Variants in TATDN2 observed in about 807,000 individuals in gnomAD.
TATDN2 encodes the protein TatD DNase domain containing 2.
In TATDN2, 44 loss-of-function variants were observed where a neutral mutation model predicts 60.3. The ratio of observed to expected loss-of-function variants is 0.73; its 90% CI spans 0.57 to 0.94. The LOEUF is 0.94. Among genes scored for constraint, TATDN2 ranks in the 40% least tolerant of loss-of-function variants. TATDN2 has a pLI of 0.00. For synonymous variants in TATDN2, 399 were observed against 355.8 expected (o/e 1.12, Z -1.37); for missense variants, 997 against 948.0 (o/e 1.05, Z -0.68).
intron 4 of TATDN2, among the ~76,000 whole-genome samples, chr3:10,274,652 G>T (rs1231074205): frequency 6.6e-6 from 1 of 152,140 alleles, no homozygotes; most frequent in Admixed American, 6.5e-5. Flanking sequence ...AATAGGAGGG[G>T]CTCCAGCCAC....
In TATDN2 at chr3:10,270,763, T is replaced by G. The variant is rs763466110; in HGVS notation, c.1581T>G (p.Pro527=). The change falls in exon 4 of 8, where the codon CCT becomes CCG. Residue 527 remains proline (P), a synonymous_variant. Coordinates refer to ENST00000448281, the MANE Select transcript of TATDN2 (RefSeq NM_014760.4). Reference sequence around the variant, plus strand: ...GAAAAATTTACAGCAGCTCCTTCCCTAAGGAATTTCAGGGCTGCATCTCTG... The same window carrying G: ...GAAAAATTTACAGCAGCTCCTTCCCGAAGGAATTTCAGGGCTGCATCTCTG... The part of the protein sequence containing the change: ...KFRKIYSSSF[P]KEFQGCISDF... The G allele has an allele frequency of 6.2e-7, 1 of 1,614,062 alleles. No individual in the cohort carries two copies. The highest frequency in any genetic ancestry group is 8.5e-7 in the Non-Finnish European group (1 of 1,180,030).
Position 10,262,350 on chromosome 3 carries a change from C to T in TATDN2, c.948+1680C>T, listed in dbSNP as rs796866695. On this transcript the variant is annotated intron_variant, in intron 3 of 7. Coordinates refer to ENST00000448281, the MANE Select transcript of TATDN2 (RefSeq NM_014760.4). Reference sequence around the variant, plus strand: ...TTTACTCTCACATTTTGGTGGAATACTTTTTCTAGTAGCTTCTTGAGAAAG... The same window carrying T: ...TTTACTCTCACATTTTGGTGGAATATTTTTTCTAGTAGCTTCTTGAGAAAG... Among the ~76,000 whole-genome samples the T allele has an allele frequency of 2.2e-4, 33 of 152,218 alleles. 1 individual carries two copies. The highest frequency in any genetic ancestry group is 6.7e-4 in the African/African-American group (28 of 41,526).
intron 3 of TATDN2, among the ~76,000 whole-genome samples, chr3:10,263,189 G>A (rs1448677458): frequency 6.6e-6 from 1 of 151,478 alleles, no homozygotes; most frequent in African/African-American, 2.4e-5. Flanking sequence ...GTGAGCCACC[G>A]TGCCCAACCT....
intron 5 of TATDN2, among the ~76,000 whole-genome samples, chr3:10,276,704 T>C (rs1698643541): frequency 6.6e-6 from 1 of 152,072 alleles, no homozygotes; most frequent in Non-Finnish European, 1.5e-5. Flanking sequence ...TTCTCCTGCC[T>C]CAGCCTCCTG....
In TATDN2 at chr3:10,278,924, G is replaced by A; in HGVS notation, c.2185G>A (p.Ala729Thr). ...SLCQYAHPGL[A>T]LHTVREIARV... ...TTGCCAGTATGCCCACCCGGGCCTG[G>A]CCTTGCATACGGTCCGAGAGATTGC... The change falls in exon 7 of 8, where the codon GCC (alanine) becomes ACC (threonine). Residue 729 changes from alanine (A) to threonine (T), a missense_variant. Coordinates refer to ENST00000448281, the MANE Select transcript of TATDN2 (RefSeq NM_014760.4). This position sits in a 1 kb window ranked among gnomAD's most constrained non-coding sequence, Gnocchi z 4.7. The A allele has an allele frequency of 1.2e-6, 2 of 1,613,272 alleles. No individual in the cohort carries two copies. The highest frequency in any genetic ancestry group is 8.5e-7 in the Non-Finnish European group (1 of 1,179,800).
At chr3:10,250,679 C>A (rs1377730948) in intron 2 of TATDN2, among the ~76,000 whole-genome samples, 1 of 152,136 alleles carries the variant, frequency 6.6e-6, no homozygotes, top group Non-Finnish European at 1.5e-5. Flanking sequence ...CAATGTGGAC[C>A]TCACTGTCTG....
Position 10,277,939 on chromosome 3 carries a change from C to T in TATDN2, c.1962-340C>T, listed in dbSNP as rs146368740. 9.4e-3 allele frequency among the ~76,000 whole-genome samples: 1,435 copies of T among 152,130 alleles called. 17 individuals are homozygous for T. Among genetic ancestry groups the T allele is most frequent in the Non-Finnish European group, 0.012 (820 of 68,004 alleles). On this transcript the variant is annotated intron_variant, in intron 5 of 7. Coordinates refer to ENST00000448281, the MANE Select transcript of TATDN2 (RefSeq NM_014760.4). ...CTTGGGCATAGTTTTTATATGCTGT[C>T]GTTGTCATCATAGGGGCCACAGTTG...
Position 10,260,268 on chromosome 3 carries a change from C to T in TATDN2, c.546C>T (p.Gly182=). Residue 182 remains glycine, a synonymous_variant, in exon 3 of 8, where the codon GGC becomes GGT. Coordinates refer to ENST00000448281, the MANE Select transcript of TATDN2 (RefSeq NM_014760.4). Reference sequence around the variant, plus strand: ...AGAGGGATAGACTTCGAGACCAGGGCTCCACAATGATCTACCTGAAGGCTA... The same window carrying T: ...AGAGGGATAGACTTCGAGACCAGGGTTCCACAATGATCTACCTGAAGGCTA... ...KRKRDRLRDQ[G]STMIYLKAIQ... 1 of 1,614,178 alleles carries T rather than the reference C, an allele frequency of 6.2e-7. No individual in the cohort carries two copies. The highest frequency in any genetic ancestry group is 8.5e-7 in the Non-Finnish European group (1 of 1,180,040).
rs1698176109 is a variant in TATDN2, at chr3:10,248,942, C to T, written c.-132C>T. The T allele has an allele frequency of 1.2e-5, 5 of 407,034 alleles. No homozygotes were observed. Among genetic ancestry groups the T allele is most frequent in the East Asian group, 3.7e-5 (1 of 27,368 alleles). The allele number at this position is 407,034 out of a possible 1,614,324, so 25.2% of individuals were successfully genotyped here. A position where few individuals can be genotyped will look rare whatever the true frequency, so the allele number is the denominator to read the frequency against. On this transcript the variant is annotated 5_prime_UTR_variant, in exon 1 of 8. Coordinates refer to ENST00000448281, the MANE Select transcript of TATDN2 (RefSeq NM_014760.4). The stretch of plus-strand genomic sequence containing the variant: ...AGTGAAGGCTTCCTGATCTCAGAAG[C>T]ACGTTGTGGGCTTGGAAACCGACGG...
At position 10,260,121 on chromosome 3, in the gene TATDN2, G is replaced by GA; in HGVS notation, c.415-16_415-15insA. 7.2e-7 allele frequency: 1 copy of GA among 1,387,252 alleles called. No homozygotes were observed. The highest frequency in any genetic ancestry group is 9.8e-7 in the Non-Finnish European group (1 of 1,018,796). The allele number at this position is 1,387,252 out of a possible 1,614,324, so 85.9% of individuals were successfully genotyped here. On this transcript the variant is annotated splice_polypyrimidine_tract_variant and intron_variant, in intron 2 of 7. Transcript: ENST00000448281. ...CCCTTGGAACAGCCCTTTCAATTCTGTTTTTTTTTTCCCAGGTTGATTCCA... is the reference window on the plus strand; with the variant it reads ...CCCTTGGAACAGCCCTTTCAATTCTGATTTTTTTTTTCCCAGGTTGATTCCA...
chr3:10,256,045 C>T (rs1698303583), intron 2 of TATDN2, among the ~76,000 whole-genome samples: 1 of 152,188 alleles, frequency 6.6e-6, no homozygotes, highest in African/African-American at 2.4e-5. Context: ...TTGTTTTTCT[C>T]CTTGGCAGTT....
chr3:10,272,253 C>T (rs551082500), intron 4 of TATDN2, among the ~76,000 whole-genome samples: 3 of 151,990 alleles, frequency 2.0e-5, no homozygotes, highest in Middle Eastern at 3.4e-3. Context: ...TGCAGGTGCA[C>T]ACCACCACGC....
At position 10,257,841 on chromosome 3, in the gene TATDN2, A is replaced by ATTTTTTTTTTTTTTTTTTTTT. The variant is rs553265148; in HGVS notation, c.415-2281_415-2261dup. 1.9e-3 allele frequency among the ~76,000 whole-genome samples: 58 copies of ATTTTTTTTTTTTTTTTTTTTT among 30,304 alleles called. 12 individuals are homozygous for ATTTTTTTTTTTTTTTTTTTTT. The highest frequency in any genetic ancestry group is 2.7e-3 in the Non-Finnish European group (39 of 14,390). The allele number at this position is 30,304 out of a possible 152,430, so 19.9% of individuals were successfully genotyped here. On this transcript the variant is annotated intron_variant, in intron 2 of 7. Coordinates refer to ENST00000448281, the MANE Select transcript of TATDN2 (RefSeq NM_014760.4). The stretch of plus-strand genomic sequence containing the variant: ...AAGTATAGATTTCTAAAGGTTTATG[A>ATTTTTTTTTTTTTTTTTTTTT]TTTTTTTTTTTTTTTTTTTTTTTTT...
intron 3 of TATDN2, among the ~76,000 whole-genome samples, chr3:10,266,169 T>C (rs757306913): frequency 9.2e-5 from 14 of 152,218 alleles, no homozygotes; most frequent in African/African-American, 2.7e-4. Flanking sequence ...CCTGTAACTT[T>C]AGAAGGGTTT....
chr3:10,249,757 C>G (rs1698193588), intron 2 of TATDN2, 143 bp downstream of exon 2: 11 of 1,027,600 alleles, frequency 1.1e-5, no homozygotes, highest in African/African-American at 1.7e-5. Flanking sequence ...CCACTCCCCC[C>G]AAACTCGAAG....
intron 2 of TATDN2, among the ~76,000 whole-genome samples, chr3:10,251,269 GA>G (rs1698229707): frequency 1.3e-5 from 2 of 152,138 alleles, no homozygotes; most frequent in Admixed American, 1.3e-4. Flanking sequence ...AGTGAGCCCA[GA>G]ATGGAGGCTG....
chr3:10,268,842 C>T (rs941788007), intron 3 of TATDN2, among the ~76,000 whole-genome samples: 1 of 152,182 alleles, frequency 6.6e-6, no homozygotes, highest in Non-Finnish European at 1.5e-5. Context: ...TTCCTGATCT[C>T]GTGGCGCTTA....
At chr3:10,249,671 T>C in intron 2 of TATDN2, 57 bp downstream of exon 2, 1 of 1,470,106 alleles carries the variant, frequency 6.8e-7, no homozygotes, top group Admixed American at 2.5e-5. Context: ...GCTTGAGAGG[T>C]TGGGGATGGG....
At position 10,249,564 on chromosome 3, in the gene TATDN2, G is replaced by C; in HGVS notation, c.364G>C (p.Ala122Pro). The stretch of plus-strand genomic sequence containing the variant: ...GGGATCCCCTCTGCGTCCTGCCAAC[G>C]CCTCTTTGGAAGAAATGGCTTCTCT... Reference protein sequence around the residue: ...SGGSPLRPANASLEEMASLEE... With the variant: ...SGGSPLRPANPSLEEMASLEE... Residue 122 changes from alanine (A) to proline (P), a missense_variant, in exon 2 of 8, where the codon GCC (alanine) becomes CCC (proline). Coordinates refer to ENST00000448281, the MANE Select transcript of TATDN2 (RefSeq NM_014760.4). 1.9e-6 allele frequency: 3 copies of C among 1,550,442 alleles called. No individual in the cohort carries two copies. The highest frequency in any genetic ancestry group is 2.6e-6 in the Non-Finnish European group (3 of 1,150,434).
Sources: allele counts gnomAD v4.1 joint callset (sites outside exome capture counted in the v4.1 genomes callset), GRCh38; gene constraint gnomAD v4.1.1; non-coding constraint Gnocchi (gnomAD v3.1); transcripts MANE v1.5; gene names NCBI Gene and HGNC (gene_info 2026-07-23, HGNC 2026-07-21).